The following NINJ2 variants were observed in gnomAD, a reference collection of about 807,000 sequenced individuals.
NINJ2 encodes ninjurin-2.
In NINJ2, 12 loss-of-function variants were observed where a neutral mutation model predicts 11.7. That is an observed-to-expected ratio of 1.02 (90% CI 0.66 to 1.66). The LOEUF is 1.66. NINJ2 is among the 40% of genes most tolerant of loss of function. The pLI is 0.00. For missense variants in NINJ2, 187 were observed against 181.8 expected (o/e 1.03, Z -0.16); for synonymous variants, 93 against 76.8 (o/e 1.21, Z -1.10).
At chr12:609,046 A>C (rs1487986377) in intron 1 of NINJ2, among the ~76,000 whole-genome samples, 1 of 150,224 alleles carries the variant, frequency 6.7e-6, no homozygotes, top group African/African-American at 2.5e-5. Flanking sequence ...GCACGGCGCC[A>C]CGCGCTAGGG....
intron 1 of NINJ2, among the ~76,000 whole-genome samples, chr12:584,869 G>A (rs1404965765): frequency 2.0e-5 from 3 of 151,758 alleles, no homozygotes; most frequent in Non-Finnish European, 4.4e-5. Flanking sequence ...GCTCACACCC[G>A]TAATCCCAGC....
At chr12:631,189 A>G (rs376534936) in intron 1 of NINJ2, among the ~76,000 whole-genome samples, 1 of 152,102 alleles carries the variant, frequency 6.6e-6, no homozygotes, top group East Asian at 1.9e-4. Flanking sequence ...GGATATGCAT[A>G]TAACAGAACA....
chr12:576,148 C>T (rs1947455846), intron 1 of NINJ2, among the ~76,000 whole-genome samples: 1 of 152,234 alleles, frequency 6.6e-6, no homozygotes, highest in African/African-American at 2.4e-5. Flanking sequence ...CGCCTCTGAG[C>T]CCTGGGCACA....
intron 1 of NINJ2, among the ~76,000 whole-genome samples, chr12:601,875 G>A (rs1193444446): frequency 6.6e-6 from 1 of 152,124 alleles, no homozygotes; most frequent in Non-Finnish European, 1.5e-5. Flanking sequence ...GCGACTCTGT[G>A]TCAAAAAAAT....
intron 1 of NINJ2, among the ~76,000 whole-genome samples, chr12:652,947 CAA>C (rs760841339): frequency 1.5e-4 from 10 of 64,648 alleles, no homozygotes; most frequent in Non-Finnish European, 3.2e-4. Context: ...AACTCTGTCT[CAA>C]AAAAAAAAAA....
chr12:573,064 C>T (rs1215631315), intron 1 of NINJ2, among the ~76,000 whole-genome samples: 55 of 136,002 alleles, frequency 4.0e-4, no homozygotes, highest in Admixed American at 8.0e-4. Context: ...CTCGCTCTGT[C>T]GCCTAGGCTG....
At position 580,446 on chromosome 12, in the gene NINJ2, G is replaced by C. The variant is rs1393941622; in HGVS notation, c.34-14268C>G. On this transcript the variant is annotated intron_variant, in intron 1 of 3. Coordinates refer to ENST00000305108, the MANE Select transcript of NINJ2 (RefSeq NM_016533.6). The surrounding 1 kb of genome is among the most constrained non-coding windows in gnomAD (Gnocchi z 4.7). ...CTACTAAAAATACAAAAATTAGCCA[G>C]ATGTGGTGGTGCACGCCTATAATTC... 1.3e-5 allele frequency among the ~76,000 whole-genome samples: 2 copies of C among 152,066 alleles called. No homozygotes were observed. The highest frequency in any genetic ancestry group is 1.3e-4 in the Admixed American group (2 of 15,276).
At chr12:654,632 G>A (rs1451026349) in intron 1 of NINJ2, among the ~76,000 whole-genome samples, 2 of 151,548 alleles carry the variant, frequency 1.3e-5, no homozygotes, top group African/African-American at 2.4e-5. Context: ...AGTGGCTCAC[G>A]CCTTTAACCC....
intron 1 of NINJ2, among the ~76,000 whole-genome samples, chr12:651,713 G>T (rs373344297): frequency 6.6e-6 from 1 of 152,292 alleles, no homozygotes; most frequent in East Asian, 1.9e-4. Flanking sequence ...CAGATGGCAC[G>T]CAAGAAGAGA....
chr12:569,582 T>C (rs1263542356), intron 1 of NINJ2, among the ~76,000 whole-genome samples: 4 of 152,096 alleles, frequency 2.6e-5, no homozygotes, highest in Non-Finnish European at 4.4e-5. Context: ...TCGTTAACAG[T>C]GGACAAAACC....
chr12:644,838 G>T (rs1305929719), intron 1 of NINJ2: 1 of 152,018 alleles, frequency 6.6e-6, no homozygotes, highest in Non-Finnish European at 1.5e-5. Context: ...TTTTAAAAAC[G>T]GGGTAGGGCC....
At chr12:618,886 A>G (rs930268931) in intron 1 of NINJ2, among the ~76,000 whole-genome samples, 1 of 152,202 alleles carries the variant, frequency 6.6e-6, no homozygotes, top group African/African-American at 2.4e-5. Context: ...TTTAGAGCCA[A>G]GGCCTCCAAT....
At chr12:570,809 G>A (rs1947365492) in intron 1 of NINJ2, among the ~76,000 whole-genome samples, 1 of 152,238 alleles carries the variant, frequency 6.6e-6, no homozygotes, top group Non-Finnish European at 1.5e-5. Flanking sequence ...GAGGAGCAGG[G>A]GACCGGTGGG....
chr12:564,738 A>C (rs1181907023), intron 3 of NINJ2, 57 bp from the exon 4 acceptor site: 1 of 152,610 alleles, frequency 6.6e-6, no homozygotes, highest in African/African-American at 2.4e-5. Flanking sequence ...AATGCCCCTC[A>C]ACCTTCAGCA....
chr12:629,547 C>T (rs755047405), intron 1 of NINJ2, among the ~76,000 whole-genome samples: 5 of 152,132 alleles, frequency 3.3e-5, no homozygotes, highest in East Asian at 1.9e-4. Context: ...CAGCCCAGGA[C>T]GGCTTTGAAC....
At chr12:656,320 C>G (rs1263199782) in intron 1 of NINJ2, among the ~76,000 whole-genome samples, 1 of 151,578 alleles carries the variant, frequency 6.6e-6, no homozygotes, top group East Asian at 2.0e-4. Context: ...GCCAAGATTA[C>G]GTCACTGCAC....
At chr12:649,338 C>T (rs982135636) in intron 1 of NINJ2, among the ~76,000 whole-genome samples, 5 of 151,952 alleles carry the variant, frequency 3.3e-5, no homozygotes, top group Admixed American at 6.6e-5. Flanking sequence ...TGAGCCACCG[C>T]GCCCAGCTGG....
chr12:599,692 A>T (rs1268417930), intron 1 of NINJ2, among the ~76,000 whole-genome samples: 1 of 152,166 alleles, frequency 6.6e-6, no homozygotes, highest in Non-Finnish European at 1.5e-5. Flanking sequence ...TAGAGTTGGG[A>T]GATTAGGACC....
At position 591,585 on chromosome 12, in the gene NINJ2, C is replaced by A. The variant is rs748484592; in HGVS notation, c.34-25407G>T. Among the ~76,000 whole-genome samples, 3 of 152,140 alleles carry A rather than the reference C, an allele frequency of 2.0e-5. No homozygotes were observed. Among genetic ancestry groups the A allele is most frequent in the Non-Finnish European group, 4.4e-5 (3 of 68,014 alleles). On this transcript the variant is annotated intron_variant, in intron 1 of 3. Transcript: ENST00000305108. This position sits in a 1 kb window ranked among gnomAD's most constrained non-coding sequence, Gnocchi z 5.0. ...GCAGTGCTAGCGGAGTTCCATAGAG[C>A]TGGTCTTAAAAGCAGGGGCCTTTTG...
Sources: gnomAD v4.1 joint callset for allele counts (sites outside exome capture counted in the v4.1 genomes callset) on GRCh38, gnomAD v4.1.1 for gene constraint, Gnocchi (gnomAD v3.1) non-coding constraint, MANE v1.5 for transcripts, NCBI Gene and HGNC (gene_info 2026-07-23, HGNC 2026-07-21) for gene names.